ANKS1B: variants seen among roughly 807,000 people sequenced by gnomAD.
ANKS1B encodes ankyrin repeat and sterile alpha motif domain containing 1B, also known as ankyrin repeat and sterile alpha motif domain-containing protein 1B.
ANKS1B carries 36 observed loss-of-function variants against 148.3 expected under a neutral mutation model. The observed-to-expected ratio is 0.24, with a 90% CI of 0.19 to 0.32. The LOEUF (loss-of-function observed/expected upper bound fraction) is 0.32. Ranked by LOEUF, ANKS1B falls within the 10% of genes least tolerant of loss-of-function variation. The pLI is 1.00. For missense variants in ANKS1B, 1,157 were observed against 1,542.6 expected (o/e 0.75, Z 4.19); for synonymous variants, 542 against 560.8 (o/e 0.97, Z 0.47).
At chr12:99,635,657 T>TA (rs930704579) in intron 9 of ANKS1B, among the ~76,000 whole-genome samples, 12 of 152,182 alleles carry the variant, frequency 7.9e-5, no homozygotes, top group Admixed American at 6.5e-4. Flanking sequence ...ATTTCCATAA[T>TA]AAAAAAACTT....
At chr12:98,774,313 C>T (rs2098644216) in intron 24 of ANKS1B, among the ~76,000 whole-genome samples, 1 of 152,108 alleles carries the variant, frequency 6.6e-6, no homozygotes, top group South Asian at 2.1e-4. Flanking sequence ...ATTGCAATGC[C>T]CTTCAACGTC....
intron 1 of ANKS1B, among the ~76,000 whole-genome samples, chr12:99,953,100 T>C (rs1233722593): frequency 6.6e-6 from 1 of 152,014 alleles, no homozygotes; most frequent in East Asian, 1.9e-4. Flanking sequence ...ACAGAAATGG[T>C]TTCTACAACT....
At chr12:99,880,640 A>G (rs2092422118) in intron 1 of ANKS1B, among the ~76,000 whole-genome samples, 1 of 152,234 alleles carries the variant, frequency 6.6e-6, no homozygotes, top group African/African-American at 2.4e-5. Flanking sequence ...TTCCATAATG[A>G]GTAAAGGACA....
intron 1 of ANKS1B, among the ~76,000 whole-genome samples, chr12:99,957,233 A>T (rs151193863): frequency 1.9e-4 from 29 of 152,304 alleles, no homozygotes; most frequent in Non-Finnish European, 3.1e-4. Context: ...TGATACAAAC[A>T]TATTGATCAA....
chr12:99,021,023 G>T (rs1434069150), intron 17 of ANKS1B, among the ~76,000 whole-genome samples: 1 of 152,036 alleles, frequency 6.6e-6, no homozygotes, highest in African/African-American at 2.4e-5. Context: ...TATCTATGAT[G>T]CCAGAAACTT....
At chr12:99,906,221 C>T (rs2093776421) in intron 1 of ANKS1B, among the ~76,000 whole-genome samples, 1 of 152,130 alleles carries the variant, frequency 6.6e-6, no homozygotes, top group Non-Finnish European at 1.5e-5. Context: ...CCTAGACAGC[C>T]AGCAATGAGG....
At chr12:99,472,247 C>G (rs1207551136) in intron 10 of ANKS1B, among the ~76,000 whole-genome samples, 1 of 152,076 alleles carries the variant, frequency 6.6e-6, no homozygotes, top group African/African-American at 2.4e-5. Context: ...GGACCTAGCT[C>G]AAATGCTATT....
intron 11 of ANKS1B, among the ~76,000 whole-genome samples, chr12:99,410,793 C>G (rs528877224): frequency 6.6e-6 from 1 of 152,318 alleles, no homozygotes; most frequent in African/African-American, 2.4e-5. Context: ...AGGTAGGACC[C>G]CTTGTTTCAA....
chr12:99,633,588 T>C (rs1214079646), intron 9 of ANKS1B, among the ~76,000 whole-genome samples: 2 of 152,280 alleles, frequency 1.3e-5, no homozygotes, highest in Admixed American at 6.5e-5. Context: ...AAGGACTTCA[T>C]GTCTAAAACA....
chr12:98,780,250 A>G (rs2098720948), intron 24 of ANKS1B, among the ~76,000 whole-genome samples: 1 of 152,160 alleles, frequency 6.6e-6, no homozygotes, highest in Non-Finnish European at 1.5e-5. Flanking sequence ...GCATTCACCA[A>G]TGGTGATCAC....
At chr12:99,523,720 T>C (rs1207810840) in intron 9 of ANKS1B, among the ~76,000 whole-genome samples, 1 of 151,690 alleles carries the variant, frequency 6.6e-6, no homozygotes, top group Non-Finnish European at 1.5e-5. Flanking sequence ...GCCCGGCTAA[T>C]TTTTTGTATT....
chr12:99,903,002 G>C, intron 1 of ANKS1B, among the ~76,000 whole-genome samples: 1 of 152,060 alleles, frequency 6.6e-6, no homozygotes, highest in African/African-American at 2.4e-5. Flanking sequence ...TTGACCTCAA[G>C]TGATCCACCC....
At chr12:99,221,590 A>T (rs2085139729) in intron 14 of ANKS1B, among the ~76,000 whole-genome samples, 1 of 152,194 alleles carries the variant, frequency 6.6e-6, no homozygotes, top group African/African-American at 2.4e-5. Context: ...AACATATGAA[A>T]AAAAGCTCAA....
chr12:99,262,993 C>A (rs1170915589), intron 12 of ANKS1B, among the ~76,000 whole-genome samples: 1 of 151,996 alleles, frequency 6.6e-6, no homozygotes, highest in Admixed American at 6.6e-5. Flanking sequence ...GCTAATATTA[C>A]TGAGTGCTTA....
intron 1 of ANKS1B, among the ~76,000 whole-genome samples, chr12:99,921,040 T>C (rs1404253198): frequency 6.6e-6 from 1 of 152,188 alleles, no homozygotes; most frequent in East Asian, 1.9e-4. Flanking sequence ...CAAATTTGGC[T>C]GAAACTAGCT....
chr12:98,887,720 G>A (rs2152590306), intron 17 of ANKS1B, among the ~76,000 whole-genome samples: 1 of 152,070 alleles, frequency 6.6e-6, no homozygotes, highest in Non-Finnish European at 1.5e-5. Flanking sequence ...AGATTCTCAT[G>A]CCTCAGCCTC....
chr12:99,092,258 T>C, intron 15 of ANKS1B, among the ~76,000 whole-genome samples: 1 of 152,086 alleles, frequency 6.6e-6, no homozygotes, highest in Non-Finnish European at 1.5e-5. Flanking sequence ...GGATATTAAA[T>C]GCTTTAAATG....
chr12:99,353,030 A>G (rs1174551193), intron 12 of ANKS1B, among the ~76,000 whole-genome samples: 1 of 152,062 alleles, frequency 6.6e-6, no homozygotes, highest in African/African-American at 2.4e-5. Flanking sequence ...TGTTATCCCC[A>G]CAAGTTTCAC....
At chr12:99,038,519 C>A (rs1025223331) in intron 17 of ANKS1B, among the ~76,000 whole-genome samples, 11 of 152,150 alleles carry the variant, frequency 7.2e-5, no homozygotes, top group African/African-American at 2.7e-4. Flanking sequence ...CCACAGCAGC[C>A]AAAGTGAGCC....
Sources: gnomAD v4.1 joint callset for allele counts (sites outside exome capture counted in the v4.1 genomes callset) on GRCh38, gnomAD v4.1.1 for gene constraint, MANE v1.5 for transcripts, NCBI Gene and HGNC (gene_info 2026-07-23, HGNC 2026-07-21) for gene names.